EIF2D: variants seen among roughly 807,000 people sequenced by gnomAD.
The protein encoded by EIF2D is hepatocellular carcinoma-associated antigen 56.
EIF2D carries 56 observed loss-of-function variants against 77.4 expected under a neutral mutation model. The observed-to-expected ratio is 0.72, with a 90% CI of 0.58 to 0.90. The LOEUF (loss-of-function observed/expected upper bound fraction) is 0.90. Ranked by LOEUF, EIF2D falls within the 40% of genes least tolerant of loss-of-function variation. The pLI is 0.00. For synonymous variants in EIF2D, 230 were observed against 271.0 expected, an observed-to-expected ratio of 0.85 and a Z score of 1.49; for missense variants, 574 against 706.5, an observed-to-expected ratio of 0.81 and a Z score of 2.13.
intron 5 of EIF2D, 104 bp from the exon 6 acceptor site, chr1:206,603,308 A>G (rs1288614302): frequency 6.7e-6 from 10 of 1,489,014 alleles, no homozygotes; most frequent in Non-Finnish European, 9.0e-6. Flanking sequence ...GAGAGCCAAC[A>G]GGCAGGAGTG....
intron 4 of EIF2D, among the ~76,000 whole-genome samples, chr1:206,573,588 A>G (rs782076942): frequency 9.2e-5 from 14 of 152,254 alleles, no homozygotes; most frequent in Non-Finnish European, 1.9e-4. Context: ...AGTATTGAGC[A>G]AGTATTTCCT....
At chr1:206,609,057 A>T (rs1046691518) in intron 3 of EIF2D, among the ~76,000 whole-genome samples, 1 of 152,200 alleles carries the variant, frequency 6.6e-6, no homozygotes, top group South Asian at 2.1e-4. Flanking sequence ...ATCTCAAAAA[A>T]AAAAAAATAA....
At chr1:206,601,727 G>C (rs1669928568) in intron 7 of EIF2D, 1 of 152,314 alleles carries the variant, frequency 6.6e-6, no homozygotes, top group Admixed American at 6.5e-5. Context: ...ACTCAGAGAA[G>C]CCCAGTAACA....
intron 11 of EIF2D, among the ~76,000 whole-genome samples, chr1:206,597,991 G>A (rs113616691): frequency 0.014 from 2,119 of 152,164 alleles, 14 homozygotes; most frequent in Non-Finnish European, 0.023. Context: ...ATTAGATTAG[G>A]CTGGTATGTC....
Position 206,584,753 on chromosome 1 carries a change from T to C in EIF2D, c.139-3591A>G, listed in dbSNP as rs1240955928. On this transcript the variant is annotated intron_variant and NMD_transcript_variant, in intron 2 of 5. Transcript: ENST00000472709. This position sits in a 1 kb window ranked among gnomAD's most constrained non-coding sequence, Gnocchi z 4.9. Reference sequence around the variant, plus strand: ...TGTGTCCAAGCCCACCCACTAAAACTCCTGCCGGCCTTGGGTGGGAGCTGT... The same window carrying C: ...TGTGTCCAAGCCCACCCACTAAAACCCCTGCCGGCCTTGGGTGGGAGCTGT... The C allele has an allele frequency of 6.4e-7, 1 of 1,550,818 alleles. No homozygotes were observed. Among genetic ancestry groups the C allele is most frequent in the Non-Finnish European group, 8.8e-7 (1 of 1,135,168 alleles).
intron 1 of EIF2D, 86 bp downstream of exon 1, chr1:206,612,201 G>C: frequency 6.3e-7 from 1 of 1,583,002 alleles, no homozygotes; most frequent in Non-Finnish European, 8.7e-7. Flanking sequence ...GAGGATGTCG[G>C]CCAAGAATAG....
intron 14 of EIF2D, among the ~76,000 whole-genome samples, 145 bp downstream of exon 14, chr1:206,593,466 GGAGAGAGA>G (rs781913118): frequency 9.9e-6 from 1 of 100,764 alleles, no homozygotes; most frequent in East Asian, 4.0e-4. Context: ...AAAACTAAAT[GGAGAGAGA>G]GAGAGAGAGA....
chr1:206,587,021 G>GT (rs782703905), downstream of EIF2D: 14 of 1,609,328 alleles, frequency 8.7e-6, no homozygotes, highest in Non-Finnish European at 1.2e-5. Flanking sequence ...AGATTTATTT[G>GT]TATTATTAAT....
chr1:206,591,629 G>A, downstream of EIF2D: 1 of 753,640 alleles, frequency 1.3e-6, no homozygotes, highest in Non-Finnish European at 2.2e-6. Context: ...GAGGAAACAA[G>A]AGGGAAGTCA....
intron 4 of EIF2D, 48 bp from the exon 5 acceptor site, chr1:206,605,555 A>G (rs1375946893): frequency 3.3e-6 from 5 of 1,493,426 alleles, no homozygotes; most frequent in Non-Finnish European, 4.7e-6. Context: ...ATCTATGGGA[A>G]GGGCACATGT....
At chr1:206,571,701 G>T (rs782732218) in intron 5 of EIF2D, among the ~76,000 whole-genome samples, 23 of 152,184 alleles carry the variant, frequency 1.5e-4, no homozygotes, top group Non-Finnish European at 2.6e-4. Flanking sequence ...CCAGGGGCAG[G>T]AGGCCAATTC....
chr1:206,585,797 A>T (rs1669089626), intron 2 of EIF2D: 1 of 153,366 alleles, frequency 6.5e-6, no homozygotes, highest in African/African-American at 2.4e-5. Flanking sequence ...GAGAATGACC[A>T]ACAGGGGAAG....
chr1:206,611,335 G>A lies in EIF2D; in HGVS notation c.96C>T (p.Thr32=). 1.2e-6 allele frequency: 2 copies of A among 1,614,180 alleles called. No homozygotes were observed. Among genetic ancestry groups the A allele is most frequent in the Non-Finnish European group, 1.7e-6 (2 of 1,180,024 alleles). Residue 32 remains threonine (T), a synonymous_variant, in exon 2 of 15, where the codon ACC becomes ACT. Transcript: ENST00000271764. ...ACTCAGAGACTTGATCAGTTCCAAG[G>A]GTGGGGAAAGCAGTTGTCACATCAG... The part of the protein sequence containing the change: ...LRADVTTAFP[T]LGTDQVSELV...
intron 14 of EIF2D, 115 bp downstream of exon 14, chr1:206,593,504 A>AGTGTGTGTGTGT (rs1476375070): frequency 4.2e-5 from 17 of 405,028 alleles, no homozygotes; most frequent in African/African-American, 3.6e-4. Flanking sequence ...AGAGAGAGAG[A>AGTGTGTGTGTGT]GAGAGTGTGT....
At chr1:206,605,230 A>G (rs1670144836) in intron 5 of EIF2D, 170 bp downstream of exon 5, 9 of 516,626 alleles carry the variant, frequency 1.7e-5, no homozygotes, top group Non-Finnish European at 3.1e-5. Context: ...TTACTTGTCC[A>G]AACAGGGGAA....
intron 4 of EIF2D, among the ~76,000 whole-genome samples, chr1:206,580,312 A>G (rs1327736189): frequency 3.3e-5 from 5 of 152,216 alleles, no homozygotes. Context: ...ATTGGAAACT[A>G]TGAGAGGAGA....
chr1:206,599,897 C>G lies in EIF2D; in HGVS notation c.949-61G>C. 1 of 1,502,318 alleles carries G rather than the reference C, an allele frequency of 6.7e-7. No homozygotes were observed. Among genetic ancestry groups the G allele is most frequent in the South Asian group, 1.1e-5 (1 of 87,556 alleles). 93.1% of individuals were successfully genotyped at this position (1,502,318 alleles called of 1,614,324 possible). On this transcript the variant is annotated intron_variant, in intron 8 of 14. Coordinates refer to ENST00000271764, the MANE Select transcript of EIF2D (RefSeq NM_006893.3). The surrounding 1 kb of genome is among the most constrained non-coding windows in gnomAD (Gnocchi z 4.1). ...TGATTCCACACACATACTGAGCACCCAGGATGTGCCAGAGTGAGCTAGGCA... is the reference window on the plus strand; with the variant it reads ...TGATTCCACACACATACTGAGCACCGAGGATGTGCCAGAGTGAGCTAGGCA...
chr1:206,591,568 G>T, downstream of EIF2D: 1 of 597,392 alleles, frequency 1.7e-6, no homozygotes, highest in Non-Finnish European at 2.9e-6. Flanking sequence ...GACCTCTTCT[G>T]TCCATTTAGA....
At chr1:206,593,170 C>A (rs1669434122) in intron 14 of EIF2D, among the ~76,000 whole-genome samples, 1 of 151,838 alleles carries the variant, frequency 6.6e-6, no homozygotes, top group Non-Finnish European at 1.5e-5. Context: ...CTATATCACT[C>A]AAGAGTCAGA....
Sources: allele counts gnomAD v4.1 joint callset (sites outside exome capture counted in the v4.1 genomes callset), GRCh38; gene constraint gnomAD v4.1.1; non-coding constraint Gnocchi (gnomAD v3.1); transcripts MANE v1.5; gene names NCBI Gene and HGNC (gene_info 2026-07-23, HGNC 2026-07-21).